The following NXF1 variants were observed in gnomAD, a reference collection of about 807,000 sequenced individuals.
The protein encoded by NXF1 is nuclear RNA export factor 1, also known as mRNA export factor TAP.
In NXF1, 43 loss-of-function variants were observed where a neutral mutation model predicts 92.4. The ratio of observed to expected loss-of-function variants is 0.47; its 90% confidence interval spans 0.36 to 0.60. NXF1 has a LOEUF of 0.60. NXF1 is among the 20% of genes least tolerant of loss of function. NXF1 has a pLI of 0.00. For synonymous variants in NXF1, 288 were observed against 292.2 expected (o/e 0.99, Z 0.15); for missense variants, 576 against 793.0 (o/e 0.73, Z 3.29).
At chr11:62,796,406 G>T (rs1590950362) in intron 14 of NXF1, 54 bp downstream of exon 14, 3 of 1,610,622 alleles carry the variant, frequency 1.9e-6, no homozygotes, top group East Asian at 4.5e-5. Context: ...GGTGTGCCCT[G>T]TATCTGCTGG....
chr11:62,794,804 T>C, intron 18 of NXF1, 131 bp downstream of exon 18: 1 of 813,522 alleles, frequency 1.2e-6, no homozygotes, highest in East Asian at 2.6e-5. Context: ...GGCTCTTAAC[T>C]ACTATGTGAG....
In NXF1 at chr11:62,800,481, C is replaced by T. The variant is rs752612567; in HGVS notation, c.912G>A (p.Lys304=). The T allele has an allele frequency of 6.2e-7, 1 of 1,612,728 alleles. No homozygotes were observed. Among genetic ancestry groups the T allele is most frequent in the East Asian group, 2.2e-5 (1 of 44,860 alleles). ...KILNLSGNEL[K]SERELDKIKG... is the part of the protein sequence containing the mutation. ...TTATCTTGTCCAATTCCCGCTCAGACTTCAACTGCAAAGGGTGGAAGGAAC... is the reference window on the plus strand; with the variant it reads ...TTATCTTGTCCAATTCCCGCTCAGATTTCAACTGCAAAGGGTGGAAGGAAC... Residue 304 remains lysine (K), a synonymous_variant, in exon 10 of 21, where the codon AAG becomes AAA. Coordinates refer to ENST00000294172, the MANE Select transcript of NXF1 (RefSeq NM_006362.5).
At position 62,800,873 on chromosome 11, in the gene NXF1, A is replaced by T. The variant is rs542973210; in HGVS notation, c.906+221T>A. Among the ~76,000 whole-genome samples the T allele has an allele frequency of 4.9e-4, 75 of 152,264 alleles. 1 individual carries two copies. The highest frequency in any genetic ancestry group is 6.8e-3 in the Middle Eastern group (2 of 294). On this transcript the variant is annotated intron_variant, in intron 9 of 20. Coordinates refer to ENST00000294172, the MANE Select transcript of NXF1 (RefSeq NM_006362.5). The stretch of plus-strand genomic sequence containing the variant: ...CAGCCTTGAACTCCTGAGCTCAAGC[A>T]ATCCTCCCACCTCAGCCCCCTGGGG...
intron 17 of NXF1, chr11:62,795,357 T>A: frequency 4.7e-6 from 1 of 210,744 alleles, no homozygotes; most frequent in Admixed American, 5.2e-5. Context: ...GCACCTGTAG[T>A]CCCAGCTACT....
chr11:62,795,072 G>T, intron 17 of NXF1, 65 bp from the exon 18 acceptor site: 1 of 1,428,214 alleles, frequency 7.0e-7, no homozygotes, highest in East Asian at 2.3e-5. Flanking sequence ...ACAGCTTCTT[G>T]AATCATGGTC....
intron 11 of NXF1, 88 bp downstream of exon 11, chr11:62,798,443 AAAAAAAAG>A: frequency 1.3e-6 from 2 of 1,536,948 alleles, no homozygotes; most frequent in Non-Finnish European, 1.7e-6. Flanking sequence ...AAATAAAAAA[AAAAAAAAG>A]AAAAAGAAAA....
Position 62,805,331 on chromosome 11 carries a change from C to A in NXF1, c.26G>T (p.Ser9Ile). ...CCGACCCGAAGACCAGCACTTACCGCTGTACGACTTCCCCTCGTCCGCCAT... is the reference window on the plus strand; with the variant it reads ...CCGACCCGAAGACCAGCACTTACCGATGTACGACTTCCCCTCGTCCGCCAT... MADEGKSYSEHDDERVNFP... is the reference protein window; with the variant it reads MADEGKSYIEHDDERVNFP... The change falls in exon 1 of 21, where the codon AGC becomes ATC. Residue 9 changes from serine to isoleucine, a missense_variant and splice_region_variant. Physicochemically the swap from Ser to Ile is moderately radical, Grantham distance 142. Coordinates refer to ENST00000294172, the MANE Select transcript of NXF1 (RefSeq NM_006362.5). The A allele has an allele frequency of 6.2e-7, 1 of 1,611,306 alleles. No individual in the cohort carries two copies.
In NXF1 at chr11:62,792,396, G is replaced by T; in HGVS notation, c.*80C>A. ...CACGGGGCGGCCTCGGGCCAGACAGGAGGAGATGACAGACGACAACCAGAC... is the reference window on the plus strand; with the variant it reads ...CACGGGGCGGCCTCGGGCCAGACAGTAGGAGATGACAGACGACAACCAGAC... On this transcript the variant is annotated 3_prime_UTR_variant, in exon 21 of 21. Coordinates refer to ENST00000294172, the MANE Select transcript of NXF1 (RefSeq NM_006362.5). The T allele has an allele frequency of 1.9e-6, 3 of 1,565,564 alleles. No individual in the cohort carries two copies. Among genetic ancestry groups the T allele is most frequent in the Non-Finnish European group, 2.6e-6 (3 of 1,136,106 alleles).
In NXF1 at chr11:62,796,674, G is replaced by A. The variant is rs1031692454; in HGVS notation, c.1179-107C>T. On this transcript the variant is annotated intron_variant, in intron 13 of 20. Transcript: ENST00000294172. ...TGGCCGGGCATGGAAGCTCATGCCTGTAATCCCAGCACTTTGGGAGGCTGA... is the reference window on the plus strand; with the variant it reads ...TGGCCGGGCATGGAAGCTCATGCCTATAATCCCAGCACTTTGGGAGGCTGA... The A allele has an allele frequency of 3.4e-5, 25 of 732,432 alleles. No homozygotes were observed. The East Asian group carries it at 6.1e-4, about 18-fold the overall frequency. The allele number at this position is 732,432 out of a possible 1,614,324, so 45.4% of individuals were successfully genotyped here.
chr11:62,802,831 C>T (rs115432554), intron 3 of NXF1, among the ~76,000 whole-genome samples: 3,703 of 151,602 alleles, frequency 0.024, 138 homozygotes, highest in African/African-American at 0.086. Flanking sequence ...TCAGAGAACT[C>T]CAGGGCACTC....
At chr11:62,799,806 G>A in intron 10 of NXF1, 1 of 986,174 alleles carries the variant, frequency 1.0e-6, no homozygotes, top group Non-Finnish European at 1.2e-6. Flanking sequence ...ATAGCACTGG[G>A]CAAGAGAGAC....
rs556979005 is a variant in NXF1, at chr11:62,798,794, G to A, written c.1017-219C>T. On this transcript the variant is annotated intron_variant, in intron 10 of 20. Transcript: ENST00000294172. ...CTTGAAGGCTGTCTCTTTTCTCTCT[G>A]CCTGACCCTGAGTGTCAAGGAGCAG... The A allele has an allele frequency of 2.9e-6, 4 of 1,367,052 alleles. No homozygotes were observed. The East Asian group carries it at 8.4e-5, about 29-fold the overall frequency. The allele number at this position is 1,367,052 out of a possible 1,614,324, so 84.7% of individuals were successfully genotyped here.
intron 1 of NXF1, chr11:62,804,234 G>A: frequency 1.4e-6 from 2 of 1,459,010 alleles, no homozygotes; most frequent in Non-Finnish European, 1.8e-6. Context: ...GAAGCAGGAT[G>A]TAGAAATGTG....
chr11:62,799,019 G>A (rs1444570067), intron 10 of NXF1: 6 of 1,001,238 alleles, frequency 6.0e-6, no homozygotes, highest in Non-Finnish European at 7.1e-6. Context: ...GGCACAGGAT[G>A]TTGGGGCAGG....
intron 19 of NXF1, 79 bp downstream of exon 19, chr11:62,794,179 A>C: frequency 7.0e-7 from 1 of 1,427,020 alleles, no homozygotes; most frequent in South Asian, 1.3e-5. Flanking sequence ...AAAAAAACAA[A>C]AAAACTGTCA....
chr11:62,797,051 CAGTG>C, intron 13 of NXF1, 128 bp downstream of exon 13: 1 of 744,770 alleles, frequency 1.3e-6, no homozygotes, highest in Admixed American at 2.9e-5. Flanking sequence ...CTGGGTGACA[CAGTG>C]AGACACTGTC....
intron 17 of NXF1, 103 bp from the exon 18 acceptor site, chr11:62,795,110 G>T: frequency 9.0e-7 from 1 of 1,115,526 alleles, no homozygotes; most frequent in Non-Finnish European, 1.3e-6. Context: ...TAGCAAGTCA[G>T]AGAGGAATGA....
chr11:62,792,904 C>G, intron 19 of NXF1: 1 of 583,276 alleles, frequency 1.7e-6, no homozygotes, highest in Non-Finnish European at 3.0e-6. Flanking sequence ...AAATAGCTGT[C>G]AAGAAGCTCA....
intron 16 of NXF1, 61 bp from the exon 17 acceptor site, chr11:62,796,004 G>T: frequency 6.2e-7 from 1 of 1,608,722 alleles, no homozygotes; most frequent in East Asian, 2.2e-5. Context: ...GCCCCCCCTT[G>T]CCTATTAAAT....
Sources: allele counts gnomAD v4.1 joint callset (sites outside exome capture counted in the v4.1 genomes callset), GRCh38; gene constraint gnomAD v4.1.1; transcripts MANE v1.5; gene names NCBI Gene and HGNC (gene_info 2026-07-23, HGNC 2026-07-21).